GRIN2A: variants seen among roughly 807,000 people sequenced by gnomAD.
GRIN2A encodes glutamate ionotropic receptor NMDA type subunit 2A.
GRIN2A carries 22 observed loss-of-function variants against 113.4 expected under a neutral mutation model. The observed-to-expected ratio is 0.19, with a 90% CI of 0.14 to 0.28. The LOEUF (loss-of-function observed/expected upper bound fraction) is 0.28. Among genes scored for constraint, GRIN2A ranks in the 10% least tolerant of loss-of-function variants. The pLI, the probability that GRIN2A is intolerant of heterozygous loss-of-function variation, is 1.00. For missense variants in GRIN2A, 1,502 were observed against 1,887.0 expected (o/e 0.80, Z 3.78); for synonymous variants, 827 against 738.4 (o/e 1.12, Z -1.94).
rs183648475 is a variant in GRIN2A, at chr16:10,009,713, C to T, written c.415-71162G>A. ...CAAAACTAAGCCTTCCCTTTATCAC[C>T]CTCAGTGTTCCCAGTGCCTTGCTCA... On this transcript the variant is annotated intron_variant, in intron 2 of 12. Transcript: ENST00000330684. Among the ~76,000 whole-genome samples, 758 of 151,888 alleles carry T rather than the reference C, an allele frequency of 5.0e-3. 11 individuals are homozygous for T. The highest frequency in any genetic ancestry group is 0.017 in the African/African-American group (725 of 41,444).
intron 4 of GRIN2A, 44 bp from the exon 5 acceptor site, chr16:9,850,005 C>A: frequency 6.5e-7 from 1 of 1,545,324 alleles, no homozygotes; most frequent in African/African-American, 1.4e-5. Context: ...TCTTCCGCCG[C>A]TGATTTCTGG....
chr16:9,997,000 T>A (rs905792096), intron 2 of GRIN2A, among the ~76,000 whole-genome samples: 1 of 152,202 alleles, frequency 6.6e-6, no homozygotes, highest in African/African-American at 2.4e-5. Context: ...TAAGTCATGC[T>A]CTTTCGTTCC....
At chr16:10,074,047 G>T (rs567581468) in intron 2 of GRIN2A, among the ~76,000 whole-genome samples, 2 of 152,030 alleles carry the variant, frequency 1.3e-5, no homozygotes, top group Non-Finnish European at 1.5e-5. Context: ...AGGCGACTCC[G>T]TTTTTAAAAA....
At chr16:10,107,028 T>TC (rs2048513385) in intron 2 of GRIN2A, among the ~76,000 whole-genome samples, 1 of 152,200 alleles carries the variant, frequency 6.6e-6, no homozygotes, top group Non-Finnish European at 1.5e-5. Flanking sequence ...CCAGCTCAGC[T>TC]GGCTTTGAAT....
intron 2 of GRIN2A, among the ~76,000 whole-genome samples, chr16:10,056,441 T>G (rs564069189): frequency 6.6e-6 from 1 of 152,270 alleles, no homozygotes; most frequent in African/African-American, 2.4e-5. Context: ...CACCTACCCA[T>G]TAAGCCACCT....
intron 10 of GRIN2A, among the ~76,000 whole-genome samples, chr16:9,816,680 C>T (rs968996027): frequency 2.6e-5 from 4 of 152,198 alleles, no homozygotes; most frequent in African/African-American, 9.6e-5. Flanking sequence ...TCTGTCTCCA[C>T]TCATTTCAGC....
intron 2 of GRIN2A, among the ~76,000 whole-genome samples, chr16:10,160,933 G>T (rs898298436): frequency 2.0e-5 from 3 of 152,162 alleles, no homozygotes; most frequent in Non-Finnish European, 4.4e-5. Flanking sequence ...GTTTCAAAGT[G>T]CATACCACCC....
intron 2 of GRIN2A, among the ~76,000 whole-genome samples, chr16:10,042,137 C>A (rs2047176770): frequency 6.6e-6 from 1 of 152,186 alleles, no homozygotes; most frequent in Non-Finnish European, 1.5e-5. Context: ...AATGGAATTT[C>A]TGTTGTACCA....
intron 2 of GRIN2A, among the ~76,000 whole-genome samples, chr16:9,990,652 T>C (rs1481284832): frequency 2.0e-5 from 3 of 146,822 alleles, no homozygotes; most frequent in African/African-American, 7.5e-5. Flanking sequence ...GTCTCAACTA[T>C]GTTCTTACAT....
rs1900365492 is a variant in GRIN2A at position 9,756,775 on chromosome 16, A to G, written c.*6374T>C. On this transcript the variant is annotated 3_prime_UTR_variant, in exon 13 of 13. Coordinates refer to ENST00000330684, the MANE Select transcript of GRIN2A (RefSeq NM_001134407.3). ...CATGGCAAGTACTTGCGATAAGCAG[A>G]AAATGTAACATTCCAAGAATGCACA... 5.5e-6 allele frequency: 1 copy of G among 182,582 alleles called. No homozygotes were observed. The highest frequency in any genetic ancestry group is 8.9e-5 in the East Asian group (1 of 11,180). The allele number at this position is 182,582 out of a possible 1,614,324, so 11.3% of individuals were successfully genotyped here.
chr16:9,756,867 A>C lies in GRIN2A; in HGVS notation c.*6282T>G, dbSNP rs16966252. On this transcript the variant is annotated 3_prime_UTR_variant, in exon 13 of 13. Coordinates refer to ENST00000330684, the MANE Select transcript of GRIN2A (RefSeq NM_001134407.3). Reference sequence around the variant, plus strand: ...GCCATCCTTCCTGAAATACACCTCTATTCCTTTTGCCATCTCTTTGCCCCG... The same window carrying C: ...GCCATCCTTCCTGAAATACACCTCTCTTCCTTTTGCCATCTCTTTGCCCCG... 6 of 184,042 alleles carry C rather than the reference A, an allele frequency of 3.3e-5. No individual in the cohort carries two copies. The highest frequency in any genetic ancestry group is 4.7e-5 in the African/African-American group (2 of 42,558). The allele number at this position is 184,042 out of a possible 1,614,324, so 11.4% of individuals were successfully genotyped here.
At chr16:10,016,993 C>A (rs191436496) in intron 2 of GRIN2A, among the ~76,000 whole-genome samples, 69 of 152,214 alleles carry the variant, frequency 4.5e-4, no homozygotes, top group African/African-American at 1.5e-3. Context: ...GATGGATGAA[C>A]ACAGATCTAG....
At chr16:9,842,297 A>G (rs1204077268) in intron 5 of GRIN2A, among the ~76,000 whole-genome samples, 1 of 152,224 alleles carries the variant, frequency 6.6e-6, no homozygotes, top group Non-Finnish European at 1.5e-5. Flanking sequence ...ACACTGGTCT[A>G]TCCAACGGAT....
At chr16:9,768,342 G>A (rs1206913238) in intron 12 of GRIN2A, among the ~76,000 whole-genome samples, 3 of 152,144 alleles carry the variant, frequency 2.0e-5, no homozygotes, top group African/African-American at 2.4e-5. Flanking sequence ...ATGAGCCACC[G>A]TGCCCGGCCA....
intron 2 of GRIN2A, among the ~76,000 whole-genome samples, chr16:9,982,617 T>C (rs902287044): frequency 1.3e-5 from 2 of 152,220 alleles, no homozygotes; most frequent in African/African-American, 4.8e-5. Flanking sequence ...TAGTTATCTT[T>C]TAAAATATCT....
At chr16:10,170,199 G>A (rs1041882983) in intron 2 of GRIN2A, among the ~76,000 whole-genome samples, 16 of 152,188 alleles carry the variant, frequency 1.1e-4, no homozygotes, top group Admixed American at 6.5e-5. Context: ...GCAGTACACC[G>A]GTTCATGACC....
At chr16:10,035,207 G>C (rs1263416803) in intron 2 of GRIN2A, among the ~76,000 whole-genome samples, 1 of 151,918 alleles carries the variant, frequency 6.6e-6, no homozygotes, top group East Asian at 1.9e-4. Flanking sequence ...TGTATTTTTT[G>C]TAGAGACAGG....
At chr16:10,009,168 A>G (rs755452625) in intron 2 of GRIN2A, among the ~76,000 whole-genome samples, 4 of 152,262 alleles carry the variant, frequency 2.6e-5, no homozygotes, top group African/African-American at 7.2e-5. Flanking sequence ...AGCCAAATAC[A>G]TACTCAGACA....
chr16:10,061,451 G>C (rs1299688211), intron 2 of GRIN2A, among the ~76,000 whole-genome samples: 2 of 152,168 alleles, frequency 1.3e-5, no homozygotes, highest in African/African-American at 2.4e-5. Context: ...CCAATGAATA[G>C]AGATTCCTGA....
Sources: allele counts gnomAD v4.1 joint callset (sites outside exome capture counted in the v4.1 genomes callset), GRCh38; gene constraint gnomAD v4.1.1; transcripts MANE v1.5; gene names NCBI Gene and HGNC (gene_info 2026-07-23, HGNC 2026-07-21).